The following KIF16B variants were observed in gnomAD, a reference collection of about 807,000 sequenced individuals.
KIF16B encodes kinesin family member 16B.
KIF16B carries 98 observed loss-of-function variants against 156.3 expected under a neutral mutation model. That is an observed-to-expected ratio of 0.63 (90% CI 0.53 to 0.74). The LOEUF (loss-of-function observed/expected upper bound fraction) is 0.74, where lower values mean the gene tolerates loss of function less well. Ranked by LOEUF, KIF16B falls within the 30% of genes least tolerant of loss-of-function variation. KIF16B has a pLI of 0.00. For missense variants in KIF16B, 1,421 were observed against 1,606.5 expected (o/e 0.88, Z 1.97); for synonymous variants, 564 against 583.7 (o/e 0.97, Z 0.49).
intron 3 of KIF16B, 74 bp from the exon 4 acceptor site, chr20:16,515,738 T>C: frequency 2.6e-6 from 2 of 775,732 alleles, no homozygotes; most frequent in Middle Eastern, 2.3e-4. Flanking sequence ...GTGTTGACAA[T>C]GTTCTTGAAT....
chr20:16,278,849 C>T (rs1221437553), intron 25 of KIF16B, among the ~76,000 whole-genome samples: 1 of 152,194 alleles, frequency 6.6e-6, no homozygotes, highest in Admixed American at 6.5e-5. Context: ...CTGAGCCACA[C>T]GGTCTCTCAC....
chr20:16,434,893 G>GCA (rs1187174323), intron 12 of KIF16B, among the ~76,000 whole-genome samples: 2 of 152,264 alleles, frequency 1.3e-5, no homozygotes, highest in East Asian at 3.9e-4. Flanking sequence ...CACAGCAGAT[G>GCA]TCTGGGGGCT....
At chr20:16,493,072 A>C (rs541528815) in intron 12 of KIF16B, among the ~76,000 whole-genome samples, 1 of 152,350 alleles carries the variant, frequency 6.6e-6, no homozygotes, top group South Asian at 2.1e-4. Context: ...AACAAAGAAA[A>C]TACTGCAGAA....
intron 1 of KIF16B, among the ~76,000 whole-genome samples, chr20:16,567,114 G>C (rs2071281526): frequency 6.6e-6 from 1 of 152,182 alleles, no homozygotes; most frequent in African/African-American, 2.4e-5. Flanking sequence ...AGTTAGAGTA[G>C]GGGAGACTTG....
At chr20:16,456,731 C>T (rs1167241548) in intron 12 of KIF16B, among the ~76,000 whole-genome samples, 1 of 152,142 alleles carries the variant, frequency 6.6e-6, no homozygotes, top group Non-Finnish European at 1.5e-5. Flanking sequence ...TACTCCCCCA[C>T]TCTCCCTCCC....
At position 16,573,250 on chromosome 20, in the gene KIF16B, C is replaced by T. The variant is rs766254525; in HGVS notation, c.26G>A (p.Arg9Lys). The T allele has an allele frequency of 5.2e-5, 83 of 1,605,188 alleles. No homozygotes were observed. Among genetic ancestry groups the T allele is most frequent in the Non-Finnish European group, 6.8e-5 (80 of 1,177,076 alleles). MASVKVAV[R>K]VRPMNRREKD... ...TCACCTGCGATTCATGGGCCGGACC[C>T]TCACGGCCACCTTGACCGATGCCAT... Residue 9 changes from arginine to lysine, a missense_variant, in exon 1 of 26, where the codon AGG (arginine) becomes AAG (lysine). Transcript: ENST00000354981.
intron 1 of KIF16B, among the ~76,000 whole-genome samples, chr20:16,554,478 G>T (rs942714829): frequency 2.0e-5 from 3 of 152,182 alleles, no homozygotes; most frequent in African/African-American, 7.2e-5. Flanking sequence ...ACCCAGTGCG[G>T]GTCTCCTTTG....
At chr20:16,521,290 G>A (rs2069340836) in intron 3 of KIF16B, among the ~76,000 whole-genome samples, 1 of 151,972 alleles carries the variant, frequency 6.6e-6, no homozygotes, top group African/African-American at 2.4e-5. Context: ...TAGACGAATT[G>A]CTAACTAGAA....
intron 24 of KIF16B, among the ~76,000 whole-genome samples, chr20:16,329,427 A>T (rs1231051004): frequency 1.3e-5 from 2 of 152,200 alleles, no homozygotes; most frequent in East Asian, 3.9e-4. Flanking sequence ...CCTTACACTG[A>T]TTTTAATAGA....
chr20:16,511,931 G>A (rs2068967839), intron 5 of KIF16B, among the ~76,000 whole-genome samples: 1 of 152,148 alleles, frequency 6.6e-6, no homozygotes, highest in Admixed American at 6.5e-5. Flanking sequence ...TGGATCACTT[G>A]AGGTCAGGAG....
chr20:16,295,536 TTA>T (rs1328099510), intron 25 of KIF16B, among the ~76,000 whole-genome samples: 1 of 150,102 alleles, frequency 6.7e-6, no homozygotes, highest in Non-Finnish European at 1.5e-5. Context: ...ATCTATATAT[TTA>T]TATAATTATA....
At chr20:16,401,149 G>A (rs573031556) in intron 17 of KIF16B, among the ~76,000 whole-genome samples, 15 of 152,298 alleles carry the variant, frequency 9.8e-5, no homozygotes, top group Middle Eastern at 3.4e-3. Context: ...AATGCAAGGG[G>A]TAGCAGAGAG....
chr20:16,342,165 A>T (rs966359004), intron 23 of KIF16B, among the ~76,000 whole-genome samples: 1 of 152,182 alleles, frequency 6.6e-6, no homozygotes, highest in African/African-American at 2.4e-5. Flanking sequence ...TCACACCATG[A>T]TTAGAACACA....
intron 25 of KIF16B, 42 bp from the exon 26 acceptor site, chr20:16,273,453 G>A (rs763368121): frequency 6.3e-6 from 10 of 1,579,716 alleles, no homozygotes; most frequent in Middle Eastern, 1.7e-4. Context: ...CAATTGGGAG[G>A]TCAAGGCGGG....
chr20:16,323,480 T>A (rs2063800270), intron 24 of KIF16B, among the ~76,000 whole-genome samples: 1 of 151,996 alleles, frequency 6.6e-6, no homozygotes, highest in South Asian at 2.1e-4. Flanking sequence ...TCCCAAGGCC[T>A]TATAAGAAGA....
intron 16 of KIF16B, 79 bp from the exon 17 acceptor site, chr20:16,404,980 T>C (rs1000500129): frequency 4.1e-6 from 4 of 968,868 alleles, no homozygotes; most frequent in Non-Finnish European, 4.9e-6. Context: ...GCTTCCAACA[T>C]GTGAGAGACA....
intron 12 of KIF16B, among the ~76,000 whole-genome samples, chr20:16,454,635 T>A (rs6043956): frequency 6.6e-6 from 1 of 151,890 alleles, no homozygotes; most frequent in African/African-American, 2.4e-5. Context: ...GTTTAAAATA[T>A]CTTTGTAGAT....
intron 1 of KIF16B, among the ~76,000 whole-genome samples, chr20:16,543,074 G>T (rs2147242424): frequency 6.6e-6 from 1 of 152,296 alleles, no homozygotes; most frequent in South Asian, 2.1e-4. Flanking sequence ...GACCTACCAA[G>T]TAAGAATCTC....
At chr20:16,493,127 GAA>G (rs955360493) in intron 12 of KIF16B, among the ~76,000 whole-genome samples, 6 of 152,158 alleles carry the variant, frequency 3.9e-5, no homozygotes, top group African/African-American at 1.4e-4. Context: ...CAGGAGAAGA[GAA>G]AAGTCTGAAT....
Sources: allele counts gnomAD v4.1 joint callset (sites outside exome capture counted in the v4.1 genomes callset), GRCh38; gene constraint gnomAD v4.1.1; transcripts MANE v1.5; gene names NCBI Gene and HGNC (gene_info 2026-07-23, HGNC 2026-07-21).